Variants in SHPRH observed in about 807,000 individuals in gnomAD.
SHPRH encodes SNF2 histone linker PHD RING helicase.
A neutral mutation model predicts 202.5 loss-of-function variants in SHPRH; 106 were observed. The ratio of observed to expected loss-of-function variants is 0.52; its 90% CI spans 0.45 to 0.62. SHPRH has a LOEUF of 0.62. Ranked by LOEUF, SHPRH falls within the 20% of genes least tolerant of loss-of-function variation. SHPRH has a pLI of 0.00. For missense variants in SHPRH, 1,710 were observed against 2,020.0 expected, an observed-to-expected ratio of 0.85 and a Z score of 2.94; for synonymous variants, 729 against 686.0, an observed-to-expected ratio of 1.06 and a Z score of -0.98.
intron 14 of SHPRH, among the ~76,000 whole-genome samples, chr6:145,930,060 T>G (rs968454444): frequency 6.6e-6 from 1 of 152,170 alleles, no homozygotes; most frequent in Non-Finnish European, 1.5e-5. Context: ...GGGTTCCAAC[T>G]GCAGCATGTA....
chr6:145,944,215 T>C (rs1322252915), intron 8 of SHPRH, among the ~76,000 whole-genome samples: 1 of 152,190 alleles, frequency 6.6e-6, no homozygotes, highest in Non-Finnish European at 1.5e-5. Context: ...CACTGGTTAC[T>C]GCAATTAGCA....
chr6:145,896,514 C>T (rs80043037), intron 25 of SHPRH, among the ~76,000 whole-genome samples: 2,133 of 152,136 alleles, frequency 0.014, 25 homozygotes, highest in Middle Eastern at 0.044. Flanking sequence ...GCTAACTCTA[C>T]GTAGGAAAAG....
Position 145,921,179 on chromosome 6 carries a change from C to T in SHPRH, c.3996G>A (p.Lys1332=). The change falls in exon 21 of 30, where the codon AAG becomes AAA. Residue 1332 remains lysine (K), a synonymous_variant. Transcript: ENST00000275233. ...STSMDLFEAW[K]KEYKLLHEYW... is the part of the protein sequence containing the mutation. ...TAAAATACTATACCTTATATTCCTTCTTCCATGCTTCAAAGAGATCCATTG... is the reference window on the plus strand; with the variant it reads ...TAAAATACTATACCTTATATTCCTTTTTCCATGCTTCAAAGAGATCCATTG... The T allele has an allele frequency of 6.2e-7, 1 of 1,611,890 alleles. No individual in the cohort carries two copies. The highest frequency in any genetic ancestry group is 1.7e-5 in the Admixed American group (1 of 59,794).
At chr6:145,946,115 G>T in intron 7 of SHPRH, 118 bp downstream of exon 7, 1 of 644,410 alleles carries the variant, frequency 1.6e-6, no homozygotes, top group Non-Finnish European at 2.4e-6. Context: ...TTTATCAAAA[G>T]CATATATAAC....
At chr6:145,904,635 G>A (rs1782787138) in intron 25 of SHPRH, 1 of 152,212 alleles carries the variant, frequency 6.6e-6, no homozygotes, top group Non-Finnish European at 1.5e-5. Flanking sequence ...AGACACAAAT[G>A]GTAACAGAAA....
intron 23 of SHPRH, chr6:145,917,151 TA>T (rs1165261354): frequency 2.6e-5 from 4 of 152,280 alleles, no homozygotes; most frequent in African/African-American, 7.2e-5. Context: ...ATCATAACAG[TA>T]ATAATGATCT....
chr6:145,947,471 A>C, intron 6 of SHPRH, 22 bp downstream of exon 6: 1 of 1,604,980 alleles, frequency 6.2e-7, no homozygotes, highest in African/African-American at 1.3e-5. Flanking sequence ...CTGCTTTTGC[A>C]AGCCCTACTA....
At chr6:145,917,843 C>T (rs1006683394) in intron 23 of SHPRH, 8 of 238,926 alleles carry the variant, frequency 3.3e-5, no homozygotes, top group South Asian at 3.5e-4. Context: ...CCAGTTTCAC[C>T]GAGATATGTT....
intron 1 of SHPRH, among the ~76,000 whole-genome samples, chr6:145,956,042 G>T (rs1047330130): frequency 2.0e-5 from 3 of 151,934 alleles, no homozygotes; most frequent in African/African-American, 7.2e-5. Flanking sequence ...CAGCAGATTA[G>T]AAATGGCAAA....
chr6:145,913,518 G>T lies in SHPRH; in HGVS notation c.4286C>A (p.Pro1429Gln). 2.5e-6 allele frequency: 4 copies of T among 1,608,148 alleles called. No homozygotes were observed. The highest frequency in any genetic ancestry group is 3.4e-6 in the Non-Finnish European group (4 of 1,177,362). ...TCGAGCACAGATTGGGCAAGGTTCT[G>T]GATTAACACCTCCCGATGTTTTATC... ...SQDKTSGGVN[P>Q]EPCPICARQL... The change falls in exon 24 of 30, where the codon CCA becomes CAA. Residue 1429 changes from proline to glutamine, a missense_variant. Coordinates refer to ENST00000275233, the MANE Select transcript of SHPRH (RefSeq NM_001042683.3).
chr6:145,882,100 A>C (rs1436454732), downstream of SHPRH, among the ~76,000 whole-genome samples: 1 of 152,112 alleles, frequency 6.6e-6, no homozygotes, highest in African/African-American at 2.4e-5. Flanking sequence ...TCAAAAAAAA[A>C]AAAAAGGTGG....
At chr6:145,914,609 T>C (rs549944044) in intron 23 of SHPRH, among the ~76,000 whole-genome samples, 1 of 152,262 alleles carries the variant, frequency 6.6e-6, no homozygotes, top group Non-Finnish European at 1.5e-5. Context: ...GCATGGTAAT[T>C]TGCAGATCCT....
In SHPRH at chr6:145,919,256, G is replaced by A. The variant is rs112863404; in HGVS notation, c.4152+92C>T. ...AGATTAAATACACACTTACAGTAGA[G>A]CTCAGTGCCCTGATTCTGCCTTTTC... On this transcript the variant is annotated intron_variant, in intron 22 of 29. Transcript: ENST00000275233. 9.2e-6 allele frequency: 14 copies of A among 1,518,726 alleles called. No homozygotes were observed. In the African/African-American group the frequency reaches 1.2e-4, roughly 13 times the overall value. The allele number at this position is 1,518,726 out of a possible 1,614,324, so 94.1% of individuals were successfully genotyped here. A position where few individuals can be genotyped will look rare whatever the true frequency, so the allele number is the denominator to read the frequency against.
chr6:145,867,623 TATATATATAGAGAGAGAGAGAGAG>T (rs1779845396), intron 2 of SHPRH, among the ~76,000 whole-genome samples: 1 of 68,460 alleles, frequency 1.5e-5, no homozygotes, highest in African/African-American at 7.4e-5. Flanking sequence ...TATATATATA[TATATATATAGAGAGAGAGAGAGAG>T]AGAGAGAGAG....
intron 14 of SHPRH, among the ~76,000 whole-genome samples, chr6:145,930,298 C>T (rs1021217649): frequency 1.3e-5 from 2 of 152,068 alleles, no homozygotes; most frequent in African/African-American, 4.8e-5. Context: ...TTTCTTTGTA[C>T]TTCATTTGCT....
intron 11 of SHPRH, among the ~76,000 whole-genome samples, chr6:145,937,900 T>G (rs1394842126): frequency 1.8e-4 from 28 of 152,312 alleles, no homozygotes; most frequent in Non-Finnish European, 1.6e-4. Flanking sequence ...ACTATTTTTT[T>G]AATGAAACCT....
chr6:145,955,419 A>G, intron 1 of SHPRH, 65 bp from the exon 2 acceptor site: 3 of 1,431,170 alleles, frequency 2.1e-6, no homozygotes, highest in Non-Finnish European at 2.8e-6. Flanking sequence ...GGGTTACCAG[A>G]TGAGAAATTC....
chr6:145,908,198 T>C (rs2128732737), intron 25 of SHPRH: 1 of 152,292 alleles, frequency 6.6e-6, no homozygotes, highest in Middle Eastern at 3.4e-3. Flanking sequence ...ATATATTTGT[T>C]ATTGTAAATA....
At chr6:145,928,413 AGC>A (rs549272679) in intron 14 of SHPRH, among the ~76,000 whole-genome samples, 6,028 of 152,020 alleles carry the variant, frequency 0.04, 397 homozygotes, top group African/African-American at 0.13. Flanking sequence ...AAGATGTTCT[AGC>A]TTTTATTTGC....
Sources: allele counts gnomAD v4.1 joint callset (sites outside exome capture counted in the v4.1 genomes callset), GRCh38; gene constraint gnomAD v4.1.1; transcripts MANE v1.5; gene names NCBI Gene and HGNC (gene_info 2026-07-23, HGNC 2026-07-21).